The following TBCK variants were observed in gnomAD, a reference collection of about 807,000 sequenced individuals.
TBCK encodes TBC domain-containing protein kinase-like protein.
In TBCK, 99 loss-of-function variants were observed where a neutral mutation model predicts 113.4. The observed-to-expected ratio is 0.87, with a 90% CI of 0.74 to 1.03. TBCK has a LOEUF of 1.03. TBCK is among the 50% of genes least tolerant of loss of function. The probability of loss-of-function intolerance (pLI) is 0.00; values close to 1 mark genes in which losing one functional copy is unlikely to be tolerated. For missense variants in TBCK, 1,045 were observed against 1,061.3 expected (o/e 0.98, Z 0.21); for synonymous variants, 369 against 370.8 (o/e 1.00, Z 0.05).
intron 25 of TBCK, among the ~76,000 whole-genome samples, chr4:106,076,773 T>A (rs1229984630): frequency 6.6e-6 from 1 of 152,130 alleles, no homozygotes; most frequent in Non-Finnish European, 1.5e-5. Flanking sequence ...CTAAGCTTCA[T>A]AAGCAAAAGA....
At chr4:106,297,001 A>G (rs1304698535) in intron 2 of TBCK, among the ~76,000 whole-genome samples, 1 of 152,152 alleles carries the variant, frequency 6.6e-6, no homozygotes, top group Non-Finnish European at 1.5e-5. Context: ...AAGAAGCTGC[A>G]TTCCTTTGCT....
intron 2 of TBCK, among the ~76,000 whole-genome samples, chr4:106,299,329 A>G (rs1472907369): frequency 6.6e-6 from 1 of 152,238 alleles, no homozygotes; most frequent in Non-Finnish European, 1.5e-5. Context: ...AGTATAACTC[A>G]GTAGCACTGA....
chr4:106,231,898 T>C, intron 17 of TBCK, 119 bp from the exon 18 acceptor site: 1 of 900,710 alleles, frequency 1.1e-6, no homozygotes, highest in South Asian at 1.6e-5. Context: ...AGAAGTATTA[T>C]CCATCCAGAA....
Position 106,137,898 on chromosome 4 carries a change from C to T in TBCK, c.2236-21520G>A, listed in dbSNP as rs994048543. On this transcript the variant is annotated intron_variant, in intron 23 of 25. Transcript: ENST00000394708. The stretch of plus-strand genomic sequence containing the variant: ...AGAGAGTAATTTTTTCTTTGCTATA[C>T]GGTATCATTCTGGAGACATTTTATC... 1.2e-4 allele frequency among the ~76,000 whole-genome samples: 17 copies of T among 140,288 alleles called. 4 individuals are homozygous for T. The highest frequency in any genetic ancestry group is 1.8e-4 in the Non-Finnish European group (11 of 61,800). The allele number at this position is 140,288 out of a possible 152,430, so 92.0% of individuals were successfully genotyped here. A position where few individuals can be genotyped will look rare whatever the true frequency, so the allele number is the denominator to read the frequency against.
At chr4:106,069,075 T>G (rs1480836949) in intron 25 of TBCK, among the ~76,000 whole-genome samples, 2 of 152,208 alleles carry the variant, frequency 1.3e-5, no homozygotes, top group Admixed American at 1.3e-4. Context: ...TTGCAAAAAT[T>G]TTCTCCCATT....
chr4:106,184,728 T>TA (rs1752816628), intron 22 of TBCK, among the ~76,000 whole-genome samples: 1 of 152,028 alleles, frequency 6.6e-6, no homozygotes, highest in African/African-American at 2.4e-5. Flanking sequence ...GGGCTCCAGA[T>TA]ATAATTCACC....
At chr4:106,079,754 T>C (rs1165947549) in intron 25 of TBCK, among the ~76,000 whole-genome samples, 1 of 152,146 alleles carries the variant, frequency 6.6e-6, no homozygotes, top group Non-Finnish European at 1.5e-5. Context: ...AGACTGGGTA[T>C]TCATAAAGAA....
At chr4:106,235,685 C>T (rs183478736) in intron 14 of TBCK, among the ~76,000 whole-genome samples, 5 of 151,946 alleles carry the variant, frequency 3.3e-5, no homozygotes, top group Non-Finnish European at 5.9e-5. Flanking sequence ...CAGTCTCATA[C>T]GGGTTAAATA....
At chr4:106,061,753 T>C (rs1448637215) in intron 25 of TBCK, among the ~76,000 whole-genome samples, 1 of 151,704 alleles carries the variant, frequency 6.6e-6, no homozygotes, top group Non-Finnish European at 1.5e-5. Context: ...CTTCTTCCGT[T>C]ATCCTTTCCT....
chr4:106,123,593 G>T (rs987577493), intron 23 of TBCK, among the ~76,000 whole-genome samples: 5 of 152,100 alleles, frequency 3.3e-5, no homozygotes, highest in African/African-American at 1.2e-4. Flanking sequence ...GAACAAAGCT[G>T]GAGGCATCAC....
At chr4:106,101,485 T>C (rs1425100012) in intron 24 of TBCK, among the ~76,000 whole-genome samples, 1 of 152,214 alleles carries the variant, frequency 6.6e-6, no homozygotes, top group African/African-American at 2.4e-5. Context: ...TAAATTGCTT[T>C]GAAGAAGTTT....
chr4:106,217,887 C>T (rs1280403505), intron 19 of TBCK, among the ~76,000 whole-genome samples: 1 of 146,374 alleles, frequency 6.8e-6, no homozygotes, highest in Non-Finnish European at 1.5e-5. Flanking sequence ...TCATATGGAA[C>T]CAAAAAAGAG....
At chr4:106,209,779 T>G (rs191747713) in intron 20 of TBCK, among the ~76,000 whole-genome samples, 2 of 152,054 alleles carry the variant, frequency 1.3e-5, no homozygotes, top group South Asian at 2.1e-4. Flanking sequence ...ATTGCCTGAC[T>G]TTTTTTTAAT....
chr4:106,181,769 A>G (rs1752417107), intron 22 of TBCK, among the ~76,000 whole-genome samples: 1 of 152,170 alleles, frequency 6.6e-6, no homozygotes, highest in Non-Finnish European at 1.5e-5. Flanking sequence ...TGGTTACTAT[A>G]GCCTTGTAGC....
At chr4:106,227,751 G>A (rs1758395477) in intron 19 of TBCK, among the ~76,000 whole-genome samples, 1 of 152,012 alleles carries the variant, frequency 6.6e-6, no homozygotes, top group Non-Finnish European at 1.5e-5. Context: ...AAATGGGAGA[G>A]TGAGCAGCTT....
chr4:106,091,481 G>A (rs955864605), intron 25 of TBCK, among the ~76,000 whole-genome samples: 17 of 152,140 alleles, frequency 1.1e-4, no homozygotes, highest in South Asian at 2.1e-4. Context: ...AAGGCAGCGC[G>A]TCCAGAGTTT....
chr4:106,062,326 T>C (rs1020887248), intron 25 of TBCK, among the ~76,000 whole-genome samples: 12 of 151,880 alleles, frequency 7.9e-5, no homozygotes, highest in Admixed American at 3.3e-4. Context: ...GCTCTTCTGA[T>C]AAAATTCCAT....
At chr4:106,112,297 C>A (rs868388499) in intron 24 of TBCK, among the ~76,000 whole-genome samples, 1 of 152,192 alleles carries the variant, frequency 6.6e-6, no homozygotes, top group East Asian at 1.9e-4. Context: ...GCAAATAGCA[C>A]TCTCTGATTA....
Position 106,251,919 on chromosome 4 carries a change from C to T in TBCK, c.544G>A (p.Gly182Ser). Residue 182 changes from glycine to serine, a missense_variant, in exon 6 of 26, where the codon GGC becomes AGC. Transcript: ENST00000394708. ...HMPSKKPLPS[G>S]PKSDVWSLGI... ...AGAGACCATACATCTGATTTGGGGC[C>T]AGAAGGCAATGGTTTTTTACTTGGC... 2 of 1,611,094 alleles carry T rather than the reference C, an allele frequency of 1.2e-6. No individual in the cohort carries two copies. Among genetic ancestry groups the T allele is most frequent in the Non-Finnish European group, 1.7e-6 (2 of 1,178,136 alleles).
Sources: gnomAD v4.1 joint callset for allele counts (sites outside exome capture counted in the v4.1 genomes callset) on GRCh38, gnomAD v4.1.1 for gene constraint, MANE v1.5 for transcripts, NCBI Gene and HGNC (gene_info 2026-07-23, HGNC 2026-07-21) for gene names.